The following NXPH1 variants were observed in gnomAD, a reference collection of about 807,000 sequenced individuals.
NXPH1 encodes neurexophilin 1.
A neutral mutation model predicts 23.7 loss-of-function variants in NXPH1; 5 were observed. The observed-to-expected ratio is 0.21, with a 90% CI of 0.11 to 0.44. The LOEUF (loss-of-function observed/expected upper bound fraction) is 0.44. Ranked by LOEUF, NXPH1 falls within the 20% of genes least tolerant of loss-of-function variation. The pLI is 0.99. For synonymous variants in NXPH1, 144 were observed against 122.2 expected, an observed-to-expected ratio of 1.18 and a Z score of -1.18; for missense variants, 324 against 321.6, an observed-to-expected ratio of 1.01 and a Z score of -0.06.
intron 2 of NXPH1, among the ~76,000 whole-genome samples, chr7:8,590,282 A>C (rs553402000): frequency 6.6e-6 from 1 of 152,222 alleles, no homozygotes; most frequent in East Asian, 1.9e-4. Context: ...TAAATAAGTA[A>C]GTAAGTCTAG....
At chr7:8,717,826 G>C (rs183811049) in intron 2 of NXPH1, among the ~76,000 whole-genome samples, 22 of 151,190 alleles carry the variant, frequency 1.5e-4, no homozygotes, top group Admixed American at 1.2e-3. Context: ...AGGATTCTAG[G>C]TTTTCCTAAT....
chr7:8,524,415 G>A (rs1291882176), intron 2 of NXPH1, among the ~76,000 whole-genome samples: 1 of 152,058 alleles, frequency 6.6e-6, no homozygotes, highest in Non-Finnish European at 1.5e-5. Context: ...ACTTACAGGA[G>A]TCTTTCTGCA....
chr7:8,435,019 C>T lies in NXPH1; in HGVS notation c.-111+264C>T. On this transcript the variant is annotated intron_variant, in intron 1 of 2. Transcript: ENST00000405863. This position sits in a 1 kb window ranked among gnomAD's most constrained non-coding sequence, Gnocchi z 5.9. ...CAGGGGTTCGAATGGGTAAACTGAT[C>T]CCTGCTTTCCTGTATGCAAATTGCA... 1 of 152,770 alleles carries T rather than the reference C, an allele frequency of 6.5e-6. No homozygotes were observed. The highest frequency in any genetic ancestry group is 1.5e-5 in the Non-Finnish European group (1 of 68,450). The allele number at this position is 152,770 out of a possible 1,614,324, so 9.5% of individuals were successfully genotyped here.
chr7:8,712,388 C>A (rs1042444846), intron 2 of NXPH1, among the ~76,000 whole-genome samples: 11 of 152,138 alleles, frequency 7.2e-5, no homozygotes, highest in Middle Eastern at 3.2e-3. Context: ...TGCAGCATTT[C>A]CCTGATGCTT....
chr7:8,534,579 ATGTTAT>A (rs145962189), intron 2 of NXPH1, among the ~76,000 whole-genome samples: 156 of 152,254 alleles, frequency 1.0e-3, no homozygotes, highest in African/African-American at 3.7e-3. Context: ...ATAGGGAGAG[ATGTTAT>A]TGTAAGTTCC....
chr7:8,707,343 C>T (rs1471873992), intron 2 of NXPH1, among the ~76,000 whole-genome samples: 1 of 152,126 alleles, frequency 6.6e-6, no homozygotes, highest in Non-Finnish European at 1.5e-5. Flanking sequence ...TTCCTGACAA[C>T]ATTTCCTATG....
rs541436821 is a variant in NXPH1 at position 8,559,130 on chromosome 7, A to C, written c.54+123363A>C. On this transcript the variant is annotated intron_variant, in intron 2 of 2. Transcript: ENST00000405863. ...TAGGTACCATGCATGGCTGATTTTT[A>C]AAAATTTTTTAGAGACAAGGTCCCA... Among the ~76,000 whole-genome samples, 28 of 151,446 alleles carry C rather than the reference A, an allele frequency of 1.8e-4. 1 individual carries two copies. The South Asian group carries it at 4.4e-3, about 24-fold the overall frequency.
At chr7:8,492,811 C>T (rs1310801456) in intron 2 of NXPH1, among the ~76,000 whole-genome samples, 2 of 151,942 alleles carry the variant, frequency 1.3e-5, no homozygotes, top group African/African-American at 4.8e-5. Context: ...CACAATGAGC[C>T]TTCTTAATGC....
intron 2 of NXPH1, among the ~76,000 whole-genome samples, chr7:8,542,049 G>T (rs1250368050): frequency 1.3e-5 from 2 of 151,290 alleles, no homozygotes; most frequent in Non-Finnish European, 3.0e-5. Flanking sequence ...TTAATGAAAA[G>T]GCAGATATTG....
In NXPH1 at chr7:8,635,749, C is replaced by T. The variant is rs532054529; in HGVS notation, c.55-115259C>T. Among the ~76,000 whole-genome samples, 9 of 152,222 alleles carry T rather than the reference C, an allele frequency of 5.9e-5. No individual in the cohort carries two copies. The South Asian group carries it at 6.2e-4, about 11-fold the overall frequency. On this transcript the variant is annotated intron_variant, in intron 2 of 2. Transcript: ENST00000405863. ...CTGAATTGTTTCTTGGAAGCATTTA[C>T]GTCTTTAACCAATGGAAAGATGAAA...
chr7:8,556,482 TG>T (rs1818360276), intron 2 of NXPH1, among the ~76,000 whole-genome samples: 1 of 151,710 alleles, frequency 6.6e-6, no homozygotes, highest in Non-Finnish European at 1.5e-5. Context: ...TCTCTTCATG[TG>T]GGCCCCTCCA....
intron 2 of NXPH1, among the ~76,000 whole-genome samples, chr7:8,490,068 G>C (rs1817224172): frequency 6.6e-6 from 1 of 152,066 alleles, no homozygotes; most frequent in African/African-American, 2.4e-5. Context: ...GTGTCCTTCA[G>C]TATCCTACTG....
At chr7:8,694,206 A>G (rs1431647567) in intron 2 of NXPH1, among the ~76,000 whole-genome samples, 1 of 152,280 alleles carries the variant, frequency 6.6e-6, no homozygotes, top group Middle Eastern at 3.4e-3. Context: ...GAAAGTGCTC[A>G]TGATGTTAGA....
chr7:8,559,964 A>G (rs1043673708), intron 2 of NXPH1, among the ~76,000 whole-genome samples: 11 of 151,796 alleles, frequency 7.2e-5, no homozygotes, highest in Admixed American at 4.6e-4. Flanking sequence ...GATATCTACC[A>G]TGAAGTCGGG....
intron 2 of NXPH1, among the ~76,000 whole-genome samples, chr7:8,437,927 G>T (rs1253957126): frequency 1.3e-5 from 2 of 152,226 alleles, no homozygotes; most frequent in Non-Finnish European, 2.9e-5. Context: ...CTATTTAGAA[G>T]TCCGTTCTTT....
chr7:8,461,843 A>AAAAAAAG (rs1554423594), intron 2 of NXPH1, among the ~76,000 whole-genome samples: 2 of 121,452 alleles, frequency 1.6e-5, no homozygotes, highest in Admixed American at 8.8e-5. Context: ...TCTCAAAAAA[A>AAAAAAAG]AAAAAAAAGA....
intron 2 of NXPH1, among the ~76,000 whole-genome samples, chr7:8,455,423 T>C (rs573704232): frequency 6.6e-6 from 1 of 152,236 alleles, no homozygotes; most frequent in Non-Finnish European, 1.5e-5. Flanking sequence ...TGTGGTGCCA[T>C]TGAAAAAGGA....
intron 2 of NXPH1, among the ~76,000 whole-genome samples, chr7:8,450,927 A>C (rs772961092): frequency 6.7e-6 from 1 of 149,514 alleles, no homozygotes; most frequent in Non-Finnish European, 1.5e-5. Context: ...AGTTTGTGAA[A>C]TAAGTCAGAA....
chr7:8,691,463 T>C (rs13240427), intron 2 of NXPH1, among the ~76,000 whole-genome samples: 23,809 of 152,178 alleles, frequency 0.16, 2,296 homozygotes, highest in Middle Eastern at 0.38. Context: ...CTAGAACTTC[T>C]TAATGTCACC....
Sources: allele counts gnomAD v4.1 joint callset (sites outside exome capture counted in the v4.1 genomes callset), GRCh38; gene constraint gnomAD v4.1.1; non-coding constraint Gnocchi (gnomAD v3.1); transcripts MANE v1.5; gene names NCBI Gene and HGNC (gene_info 2026-07-23, HGNC 2026-07-21).